MEGF11: variants seen among roughly 807,000 people sequenced by gnomAD.
MEGF11 encodes multiple EGF like domains 11, also known as multiple epidermal growth factor-like domains protein 11.
In MEGF11, 126 loss-of-function variants were observed where a neutral mutation model predicts 146.6. The ratio of observed to expected loss-of-function variants is 0.86; its 90% CI spans 0.74 to 1.00. MEGF11 has a LOEUF of 1.00. MEGF11 is among the 50% of genes least tolerant of loss of function. The pLI is 0.00. For missense variants in MEGF11, 1,509 were observed against 1,521.2 expected (o/e 0.99, Z 0.13); for synonymous variants, 532 against 583.4 (o/e 0.91, Z 1.27).
At chr15:66,146,465 C>T (rs1326230809) in intron 1 of MEGF11, among the ~76,000 whole-genome samples, 3 of 152,310 alleles carry the variant, frequency 2.0e-5, no homozygotes, top group African/African-American at 4.8e-5. Flanking sequence ...CAAAGGCCAC[C>T]GTTTGGATGG....
At chr15:65,966,605 T>C (rs1369093853) in intron 8 of MEGF11, among the ~76,000 whole-genome samples, 1 of 152,106 alleles carries the variant, frequency 6.6e-6, no homozygotes, top group Non-Finnish European at 1.5e-5. Flanking sequence ...GACAAGGCTA[T>C]TTTCCCTTCC....
chr15:65,953,054 G>A (rs532413800), intron 10 of MEGF11, among the ~76,000 whole-genome samples: 44 of 152,274 alleles, frequency 2.9e-4, no homozygotes, highest in African/African-American at 9.9e-4. Flanking sequence ...AGTTGTGCAC[G>A]TTCATGGCTC....
At chr15:66,130,658 G>A (rs1240049201) in intron 1 of MEGF11, among the ~76,000 whole-genome samples, 2 of 30,230 alleles carry the variant, frequency 6.6e-5, no homozygotes, top group Non-Finnish European at 1.7e-4. Flanking sequence ...AAGAAATAAA[G>A]AGAAAGGAAG....
At chr15:66,062,584 C>T (rs757364231) in intron 5 of MEGF11, among the ~76,000 whole-genome samples, 18 of 152,328 alleles carry the variant, frequency 1.2e-4, no homozygotes, top group Non-Finnish European at 1.6e-4. Context: ...CTGCAGCCCA[C>T]CGACACCTTG....
chr15:65,899,448 T>C (rs748386655), intron 24 of MEGF11, among the ~76,000 whole-genome samples: 1 of 152,244 alleles, frequency 6.6e-6, no homozygotes, highest in Non-Finnish European at 1.5e-5. Context: ...GCTTAAGTGA[T>C]TCTCCCGCCT....
intron 5 of MEGF11, among the ~76,000 whole-genome samples, chr15:66,034,639 C>T (rs557233053): frequency 1.6e-4 from 25 of 152,140 alleles, no homozygotes; most frequent in African/African-American, 5.3e-4. Flanking sequence ...AGGATGGTCT[C>T]GAACTCCTGA....
At chr15:65,902,860 A>C (rs563457672) in intron 24 of MEGF11, among the ~76,000 whole-genome samples, 1 of 152,302 alleles carries the variant, frequency 6.6e-6, no homozygotes, top group East Asian at 1.9e-4. Context: ...TAAAGGGAGC[A>C]TCAAATCTAG....
chr15:66,187,343 T>C (rs1437523244), intron 1 of MEGF11, among the ~76,000 whole-genome samples: 1 of 152,156 alleles, frequency 6.6e-6, no homozygotes, highest in Non-Finnish European at 1.5e-5. Flanking sequence ...CCTTCCCAGA[T>C]ACCTGTCATG....
At chr15:65,960,427 G>C (rs1268638467) in intron 9 of MEGF11, among the ~76,000 whole-genome samples, 1 of 152,274 alleles carries the variant, frequency 6.6e-6, no homozygotes, top group Non-Finnish European at 1.5e-5. Context: ...ACAGCGACCT[G>C]CGTGGGTATC....
At chr15:66,140,501 C>T (rs2089093363) in intron 1 of MEGF11, among the ~76,000 whole-genome samples, 1 of 152,208 alleles carries the variant, frequency 6.6e-6, no homozygotes, top group Admixed American at 6.5e-5. Context: ...ACCCTCAATA[C>T]ACTGAATCAC....
At chr15:65,947,402 G>A (rs1007088380) in intron 10 of MEGF11, among the ~76,000 whole-genome samples, 9 of 152,112 alleles carry the variant, frequency 5.9e-5, no homozygotes, top group African/African-American at 1.7e-4. Context: ...GGGTGCAAAC[G>A]CTGACCCCCT....
At chr15:66,008,788 C>T (rs1029284716) in intron 5 of MEGF11, among the ~76,000 whole-genome samples, 5 of 150,690 alleles carry the variant, frequency 3.3e-5, no homozygotes, top group African/African-American at 4.9e-5. Context: ...TGTGCCCCTG[C>T]GCTCCAGCTT....
At chr15:66,215,052 A>G (rs1013494613) in intron 1 of MEGF11, among the ~76,000 whole-genome samples, 5 of 152,130 alleles carry the variant, frequency 3.3e-5, no homozygotes, top group African/African-American at 4.8e-5. Flanking sequence ...TCTCTTTACC[A>G]TTAACCTCTC....
At chr15:65,978,164 A>T (rs78462387) in intron 7 of MEGF11, among the ~76,000 whole-genome samples, 1 of 152,168 alleles carries the variant, frequency 6.6e-6, no homozygotes, top group Non-Finnish European at 1.5e-5. Context: ...AGCAATCTCT[A>T]TATCTCTGAG....
intron 1 of MEGF11, among the ~76,000 whole-genome samples, chr15:66,234,771 A>G (rs998043320): frequency 2.0e-5 from 3 of 152,220 alleles, no homozygotes; most frequent in African/African-American, 7.2e-5. Context: ...TCTCCAGTTT[A>G]TTAATCCTTT....
intron 1 of MEGF11, among the ~76,000 whole-genome samples, chr15:66,168,446 C>A (rs1458404710): frequency 6.6e-6 from 1 of 152,146 alleles, no homozygotes; most frequent in East Asian, 1.9e-4. Context: ...TGCTCCTGCA[C>A]CATCCAGCAT....
intron 5 of MEGF11, among the ~76,000 whole-genome samples, chr15:66,032,898 G>A (rs978126093): frequency 1.3e-5 from 2 of 152,020 alleles, no homozygotes; most frequent in Non-Finnish European, 2.9e-5. Flanking sequence ...TGGCTAACAC[G>A]GTGAAACCCC....
intron 1 of MEGF11, among the ~76,000 whole-genome samples, chr15:66,129,686 C>T (rs1282669669): frequency 1.3e-5 from 2 of 152,176 alleles, no homozygotes; most frequent in African/African-American, 4.8e-5. Context: ...ATTTTGCACA[C>T]ACCCCCATTT....
chr15:65,990,733 AAGAAAAAG>A (rs1349766390), intron 5 of MEGF11, among the ~76,000 whole-genome samples: 2 of 152,008 alleles, frequency 1.3e-5, no homozygotes, highest in South Asian at 2.1e-4. Context: ...GAAAGAAAGA[AAGAAAAAG>A]AAAGAAACAA....
Sources: gnomAD v4.1 joint callset for allele counts (sites outside exome capture counted in the v4.1 genomes callset) on GRCh38, gnomAD v4.1.1 for gene constraint, MANE v1.5 for transcripts, NCBI Gene and HGNC (gene_info 2026-07-23, HGNC 2026-07-21) for gene names.